The following PDE3A variants were observed in gnomAD, a reference collection of about 807,000 sequenced individuals.
PDE3A encodes phosphodiesterase 3A.
Under a neutral mutation model 98.3 loss-of-function variants are expected in PDE3A, and 43 were observed. The observed-to-expected ratio is 0.44, with a 90% confidence interval of 0.34 to 0.56. The LOEUF (loss-of-function observed/expected upper bound fraction) is 0.56. Ranked by LOEUF, PDE3A falls within the 20% of genes least tolerant of loss-of-function variation. The pLI is 0.01. For synonymous variants in PDE3A, 663 were observed against 567.9 expected, an observed-to-expected ratio of 1.17 and a Z score of -2.38; for missense variants, 1,427 against 1,440.7, an observed-to-expected ratio of 0.99 and a Z score of 0.15.
chr12:20,570,135 C>T (rs907451353), intron 2 of PDE3A, among the ~76,000 whole-genome samples: 16 of 151,996 alleles, frequency 1.1e-4, no homozygotes, highest in Non-Finnish European at 1.9e-4. Context: ...GTTATCAACA[C>T]GGTGGCTCAC....
chr12:20,378,956 C>T (rs1943618257), intron 1 of PDE3A, among the ~76,000 whole-genome samples: 1 of 151,680 alleles, frequency 6.6e-6, no homozygotes, highest in South Asian at 2.1e-4. Flanking sequence ...TTCTGTCTCT[C>T]CCAGTACCTT....
intron 1 of PDE3A, among the ~76,000 whole-genome samples, chr12:20,433,797 G>GAA (rs1278068704): frequency 6.6e-6 from 1 of 152,042 alleles, no homozygotes; most frequent in East Asian, 1.9e-4. Flanking sequence ...CAGATTCATT[G>GAA]TTTGTAGAAT....
chr12:20,499,090 T>C (rs1382097534), intron 1 of PDE3A, among the ~76,000 whole-genome samples: 1 of 152,184 alleles, frequency 6.6e-6, no homozygotes, highest in Non-Finnish European at 1.5e-5. Flanking sequence ...ATGGGTCCTG[T>C]TGTGTGCTCT....
chr12:20,423,523 C>A (rs772362889), intron 1 of PDE3A, among the ~76,000 whole-genome samples: 1 of 152,144 alleles, frequency 6.6e-6, no homozygotes, highest in Non-Finnish European at 1.5e-5. Context: ...AGGAAAACAG[C>A]CTCATGCATC....
intron 2 of PDE3A, among the ~76,000 whole-genome samples, chr12:20,570,438 A>AT (rs869268302): frequency 7.2e-6 from 1 of 138,594 alleles, no homozygotes; most frequent in Admixed American, 7.3e-5. Flanking sequence ...AAAAAAAAAA[A>AT]GGTGTAAAGG....
chr12:20,527,392 GC>G, intron 1 of PDE3A, among the ~76,000 whole-genome samples: 1 of 152,054 alleles, frequency 6.6e-6, no homozygotes, highest in Non-Finnish European at 1.5e-5. Flanking sequence ...CCTAATAGTT[GC>G]CCCTTTTCCT....
At position 20,496,973 on chromosome 12, in the gene PDE3A, G is replaced by A. The variant is rs115147278; in HGVS notation, c.961-59687G>A. Among the ~76,000 whole-genome samples the A allele has an allele frequency of 3.3e-3, 504 of 152,286 alleles. 3 individuals carry two copies. The highest frequency in any genetic ancestry group is 0.012 in the African/African-American group (482 of 41,570). ...AAGAGAAGTTCCATGAGGACGCCTTGTACTTGAATTCCACTTGCTGTAGTA... is the reference window on the plus strand; with the variant it reads ...AAGAGAAGTTCCATGAGGACGCCTTATACTTGAATTCCACTTGCTGTAGTA... On this transcript the variant is annotated intron_variant, in intron 1 of 15. Coordinates refer to ENST00000359062, the MANE Select transcript of PDE3A (RefSeq NM_000921.5).
intron 2 of PDE3A, among the ~76,000 whole-genome samples, chr12:20,599,419 C>G (rs1943538062): frequency 1.3e-5 from 2 of 152,120 alleles, no homozygotes; most frequent in South Asian, 4.1e-4. Flanking sequence ...TCTTTTTTAT[C>G]CCTCTTTCAA....
At chr12:20,409,877 A>G (rs937650385) in intron 1 of PDE3A, among the ~76,000 whole-genome samples, 2 of 152,218 alleles carry the variant, frequency 1.3e-5, no homozygotes, top group East Asian at 1.9e-4. Context: ...TCTTCTGTCT[A>G]CTAAAGGAAA....
intron 1 of PDE3A, among the ~76,000 whole-genome samples, chr12:20,422,688 TG>T: frequency 6.6e-6 from 1 of 152,332 alleles, no homozygotes; most frequent in African/African-American, 2.4e-5. Context: ...ATAGACTTAG[TG>T]TATCATGTCC....
intron 1 of PDE3A, among the ~76,000 whole-genome samples, chr12:20,385,161 G>C (rs972628866): frequency 2.0e-5 from 3 of 151,888 alleles, no homozygotes; most frequent in African/African-American, 4.8e-5. Context: ...GTGTAAACGC[G>C]TTGTTATTTC....
At chr12:20,429,764 G>A (rs1238766318) in intron 1 of PDE3A, among the ~76,000 whole-genome samples, 1 of 151,986 alleles carries the variant, frequency 6.6e-6, no homozygotes, top group African/African-American at 2.4e-5. Flanking sequence ...TCTAGTTATT[G>A]TTGATGTTTT....
At chr12:20,581,235 C>T (rs1270842820) in intron 2 of PDE3A, among the ~76,000 whole-genome samples, 6 of 152,078 alleles carry the variant, frequency 3.9e-5, no homozygotes, top group East Asian at 1.9e-4. Flanking sequence ...ATTAGAATAG[C>T]GGGTAAAAAC....
chr12:20,406,167 C>T (rs1247622942), intron 1 of PDE3A, among the ~76,000 whole-genome samples: 1 of 152,132 alleles, frequency 6.6e-6, no homozygotes, highest in Non-Finnish European at 1.5e-5. Context: ...AATGTCTTGG[C>T]TTTGTAAATA....
chr12:20,436,698 A>G (rs984614201), intron 1 of PDE3A, among the ~76,000 whole-genome samples: 1 of 152,218 alleles, frequency 6.6e-6, no homozygotes, highest in Non-Finnish European at 1.5e-5. Context: ...GTACATTCTC[A>G]AGAGATCAGG....
intron 2 of PDE3A, chr12:20,572,026 G>C: frequency 9.0e-7 from 1 of 1,106,826 alleles, no homozygotes; most frequent in Non-Finnish European, 1.1e-6. Context: ...TTGGAGGATA[G>C]CTGGAGTTGC....
rs2121331747 is a variant in PDE3A, at chr12:20,577,771, A to T, written c.1011+21061A>T. On this transcript the variant is annotated intron_variant, in intron 2 of 15. Coordinates refer to ENST00000359062, the MANE Select transcript of PDE3A (RefSeq NM_000921.5). ...TTGTGTTCTGTGGCACAGAAATGGA[A>T]TTTAACACATACAGGAAATGTGCAG... Among the ~76,000 whole-genome samples, 3 of 152,328 alleles carry T rather than the reference A, an allele frequency of 2.0e-5. No individual in the cohort carries two copies. In the South Asian group the frequency reaches 6.2e-4, roughly 32 times the overall value.
At chr12:20,389,884 TTAG>T (rs974467852) in intron 1 of PDE3A, among the ~76,000 whole-genome samples, 42 of 152,116 alleles carry the variant, frequency 2.8e-4, no homozygotes, top group African/African-American at 9.6e-4. Flanking sequence ...CGTGTTTATG[TTAG>T]TAGTAGGCTG....
intron 2 of PDE3A, among the ~76,000 whole-genome samples, chr12:20,566,783 C>T (rs139178041): frequency 4.8e-4 from 73 of 151,868 alleles, no homozygotes; most frequent in African/African-American, 1.7e-3. Context: ...AAGTTAGAAA[C>T]GTGCAGTGAA....
Sources: allele counts gnomAD v4.1 joint callset (sites outside exome capture counted in the v4.1 genomes callset), GRCh38; gene constraint gnomAD v4.1.1; transcripts MANE v1.5; gene names NCBI Gene and HGNC (gene_info 2026-07-23, HGNC 2026-07-21).